The following DNAH10 variants were observed in gnomAD, a reference collection of about 807,000 sequenced individuals.
The protein encoded by DNAH10 is axonemal beta dynein heavy chain 10.
In DNAH10, 348 loss-of-function variants were observed where a neutral mutation model predicts 506.6. The observed-to-expected ratio is 0.69, with a 90% confidence interval of 0.63 to 0.75. DNAH10 has a LOEUF of 0.75. Ranked by LOEUF, DNAH10 falls within the 30% of genes least tolerant of loss-of-function variation. DNAH10 has a pLI of 0.00. For missense variants in DNAH10, 5,179 were observed against 5,787.1 expected, an observed-to-expected ratio of 0.89 and a Z score of 3.41; for synonymous variants, 2,059 against 2,198.6, an observed-to-expected ratio of 0.94 and a Z score of 1.78.
Position 123,823,520 on chromosome 12 carries a change from A to T in DNAH10, c.4179+2762A>T, listed in dbSNP as rs1959642588. 2.0e-5 allele frequency among the ~76,000 whole-genome samples: 3 copies of T among 152,228 alleles called. No homozygotes were observed. The East Asian group carries it at 5.8e-4, about 29-fold the overall frequency. ...ACCTGGTGCCTGCACCAGGCAAAAAATTCATAAAGTTAAAAACATACCGTC... is the reference window on the plus strand; with the variant it reads ...ACCTGGTGCCTGCACCAGGCAAAAATTTCATAAAGTTAAAAACATACCGTC... On this transcript the variant is annotated intron_variant, in intron 24 of 78. Coordinates refer to ENST00000673944, the MANE Select transcript of DNAH10 (RefSeq NM_001372106.1).
At chr12:123,821,564 C>T (rs1324447185) in intron 24 of DNAH10, among the ~76,000 whole-genome samples, 3 of 152,136 alleles carry the variant, frequency 2.0e-5, no homozygotes, top group Non-Finnish European at 4.4e-5. Context: ...AACTCCTGAT[C>T]TCAAGCGATC....
chr12:123,924,755 C>T (rs1237698264), intron 67 of DNAH10, among the ~76,000 whole-genome samples: 1 of 152,144 alleles, frequency 6.6e-6, no homozygotes, highest in African/African-American at 2.4e-5. Flanking sequence ...TCCATCCATG[C>T]ACCCACTCAT....
intron 27 of DNAH10, among the ~76,000 whole-genome samples, chr12:123,835,147 GT>G (rs1403463879): frequency 7.2e-5 from 11 of 152,218 alleles, no homozygotes; most frequent in African/African-American, 2.7e-4. Context: ...ATAACTAGAA[GT>G]TTTCCTACCT....
intron 44 of DNAH10, among the ~76,000 whole-genome samples, chr12:123,871,118 G>A (rs1042316152): frequency 1.3e-4 from 20 of 152,164 alleles, no homozygotes; most frequent in African/African-American, 4.3e-4. Flanking sequence ...CTGTCTCTTC[G>A]GAGGAAGGTG....
At position 123,934,635 on chromosome 12, in the gene DNAH10, G is replaced by A; in HGVS notation, c.13492G>A (p.Gly4498Arg). The stretch of plus-strand genomic sequence containing the variant: ...TGTGTCCCTAGGATGCTTTGTCTCA[G>A]GACTGTACCTGGAAGGTGCTGACTG... ...ERAGQGCFVS[G>R]LYLEGADWDI... Residue 4498 changes from glycine to arginine, a missense_variant, in exon 78 of 79, where the codon GGA (glycine) becomes AGA (arginine). This residue lies in a region of DNAH10 where 4,844 missense variants were observed against 5,430.5 expected (regional missense o/e 0.89). Transcript: ENST00000673944. 1.2e-6 allele frequency: 2 copies of A among 1,613,642 alleles called. No individual in the cohort carries two copies. Among genetic ancestry groups the A allele is most frequent in the Non-Finnish European group, 1.7e-6 (2 of 1,179,776 alleles).
Position 123,887,255 on chromosome 12 carries a change from G to A in DNAH10, c.8937G>A (p.Thr2979=), listed in dbSNP as rs764664961. The part of the protein sequence containing the change: ...IENKAMIFLF[T]DAHVAEEGFL... ...ACAAAGCGATGATCTTTCTGTTCAC[G>A]GATGCCCATGTGGCTGAGGAGGGCT... The change falls in exon 52 of 79, where the codon ACG becomes ACA. Residue 2979 remains threonine (T), a synonymous_variant. Transcript: ENST00000673944. The A allele has an allele frequency of 9.3e-6, 15 of 1,613,866 alleles. No homozygotes were observed. Among genetic ancestry groups the A allele is most frequent in the East Asian group, 4.5e-5 (2 of 44,892 alleles).
In DNAH10 at chr12:123,913,271, T is replaced by C. The variant is rs1479899713; in HGVS notation, c.10308T>C (p.Ile3436=). Residue 3436 remains isoleucine (I), a synonymous_variant, in exon 60 of 79, where the codon ATT becomes ATC. Coordinates refer to ENST00000673944, the MANE Select transcript of DNAH10 (RefSeq NM_001372106.1). The surrounding 1 kb of genome is among the most constrained non-coding windows in gnomAD (Gnocchi z 5.1). ...CCGAGATCATGGAGAGGCGGCTGAT[T>C]GCCGCAGACAAACTCATCTCGGGTC... ...EEAEIMERRL[I]AADKLISGLG... 5 of 1,606,786 alleles carry C rather than the reference T, an allele frequency of 3.1e-6. No homozygotes were observed. In the East Asian group the frequency reaches 6.7e-5, roughly 22 times the overall value.
chr12:123,838,349 G>T, intron 28 of DNAH10, 107 bp from the exon 29 acceptor site: 6 of 946,348 alleles, frequency 6.3e-6, no homozygotes, highest in Non-Finnish European at 9.5e-6. Flanking sequence ...TGTCAGTTTT[G>T]TCTCGGCCGT....
intron 59 of DNAH10, among the ~76,000 whole-genome samples, 182 bp from the exon 60 acceptor site, chr12:123,912,916 T>C (rs1368799522): frequency 6.6e-6 from 1 of 151,958 alleles, no homozygotes; most frequent in African/African-American, 2.4e-5. Flanking sequence ...GGACATGGAG[T>C]TTTTGCAGCA....
chr12:123,870,344 A>C (rs770108577), intron 43 of DNAH10, 22 bp from the exon 44 acceptor site: 9 of 1,607,956 alleles, frequency 5.6e-6, no homozygotes. Context: ...ATTCAAGTGA[A>C]ATCAACCATG....
At chr12:123,835,777 G>A (rs1320158553) in intron 28 of DNAH10, among the ~76,000 whole-genome samples, 5 of 152,048 alleles carry the variant, frequency 3.3e-5, no homozygotes, top group Non-Finnish European at 7.4e-5. Context: ...GGCATGTGCT[G>A]CCATGCTCAG....
chr12:123,783,324 A>G lies in DNAH10; in HGVS notation c.999+60A>G. On this transcript the variant is annotated intron_variant, in intron 7 of 78. Transcript: ENST00000673944. ...CAGGTCATGCTTACCATGCTGGGAA[A>G]GAGCCCGGAGTCTGGGGTCTGCATC... 5 of 1,593,514 alleles carry G rather than the reference A, an allele frequency of 3.1e-6. No individual in the cohort carries two copies. The South Asian group carries it at 4.4e-5, about 14-fold the overall frequency.
intron 54 of DNAH10, among the ~76,000 whole-genome samples, chr12:123,896,010 G>A (rs1454542044): frequency 6.6e-6 from 1 of 151,748 alleles, no homozygotes; most frequent in African/African-American, 2.4e-5. Context: ...CTACTCAGGA[G>A]GCTGAGCCAT....
chr12:123,802,672 T>C (rs1449891181), intron 16 of DNAH10, among the ~76,000 whole-genome samples: 1 of 152,058 alleles, frequency 6.6e-6, no homozygotes. Context: ...ATTTTACATT[T>C]CCATCATCAA....
intron 10 of DNAH10, 91 bp downstream of exon 10, chr12:123,788,093 C>G (rs956857459): frequency 1.4e-6 from 2 of 1,434,290 alleles, no homozygotes; most frequent in African/African-American, 2.8e-5. Context: ...AGGAGCTGGG[C>G]GTCAGAAAGG....
Position 123,762,567 on chromosome 12 carries a change from C to A in DNAH10, c.214+17C>A. On this transcript the variant is annotated intron_variant, in intron 1 of 78. Transcript: ENST00000673944. The surrounding 1 kb of genome is among the most constrained non-coding windows in gnomAD (Gnocchi z 5.0). ...TGGAGATTGGTGAGCCTCGACGCGC[C>A]GCTCCCTTCCCCGGGCTTCCCTCCT... is the stretch of plus-strand genomic sequence containing the variant. 2 of 1,540,882 alleles carry A rather than the reference C, an allele frequency of 1.3e-6. No individual in the cohort carries two copies. Among genetic ancestry groups the A allele is most frequent in the Non-Finnish European group, 1.7e-6 (2 of 1,144,230 alleles).
intron 1 of DNAH10, among the ~76,000 whole-genome samples, chr12:123,765,077 T>C (rs1354386456): frequency 6.6e-6 from 1 of 152,016 alleles, no homozygotes; most frequent in African/African-American, 2.4e-5. Flanking sequence ...TTGTTTCCTT[T>C]TTTTTCCTCT....
At chr12:123,859,049 C>T in intron 37 of DNAH10, 101 bp from the exon 38 acceptor site, 1 of 1,105,136 alleles carries the variant, frequency 9.0e-7, no homozygotes, top group Non-Finnish European at 1.3e-6. Context: ...TGACTTGTAC[C>T]CTTTCAAAGG....
In DNAH10 at chr12:123,794,172, A is replaced by G. The variant is rs988712672; in HGVS notation, c.1986+60A>G. 1.1e-4 allele frequency: 114 copies of G among 1,049,282 alleles called. No homozygotes were observed. In the African/African-American group the frequency reaches 1.8e-3, roughly 17 times the overall value. 65.0% of individuals were successfully genotyped at this position (1,049,282 alleles called of 1,614,324 possible). A position where few individuals can be genotyped will look rare whatever the true frequency, so the allele number is the denominator to read the frequency against. The stretch of plus-strand genomic sequence containing the variant: ...AAATACACTTGGCAAAATGTGAACA[A>G]TTGAATCCCACTATTGTCTGTCTTT... On this transcript the variant is annotated intron_variant, in intron 12 of 78. Transcript: ENST00000673944.
Sources: gnomAD v4.1 joint callset for allele counts (sites outside exome capture counted in the v4.1 genomes callset) on GRCh38, gnomAD v4.1.1 for gene constraint, gnomAD v4.1.1 regional missense constraint, Gnocchi (gnomAD v3.1) non-coding constraint, MANE v1.5 for transcripts, NCBI Gene and HGNC (gene_info 2026-07-23, HGNC 2026-07-21) for gene names.